Variants in DPP10 observed in about 807,000 individuals in gnomAD.
The protein encoded by DPP10 is inactive dipeptidyl peptidase 10.
In DPP10, 33 loss-of-function variants were observed where a neutral mutation model predicts 120.9. The observed-to-expected ratio is 0.27, with a 90% CI of 0.21 to 0.37. DPP10 has a LOEUF of 0.37. Among genes scored for constraint, DPP10 ranks in the 10% least tolerant of loss-of-function variants. The pLI is 1.00. For missense variants in DPP10, 816 were observed against 942.8 expected, an observed-to-expected ratio of 0.87 and a Z score of 1.76; for synonymous variants, 337 against 326.1, an observed-to-expected ratio of 1.03 and a Z score of -0.36.
chr2:115,552,292 G>A (rs1038477225), intron 5 of DPP10, among the ~76,000 whole-genome samples: 3 of 152,044 alleles, frequency 2.0e-5, no homozygotes, highest in Admixed American at 1.3e-4. Flanking sequence ...AGTTTTCTTA[G>A]CATAGAATCT....
At chr2:115,318,799 T>C (rs1364653981) in intron 2 of DPP10, among the ~76,000 whole-genome samples, 4 of 152,130 alleles carry the variant, frequency 2.6e-5, no homozygotes, top group Non-Finnish European at 5.9e-5. Context: ...CTATTAGCTT[T>C]AGTAGCTTAT....
At chr2:114,560,494 C>T (rs768519493) in intron 1 of DPP10, among the ~76,000 whole-genome samples, 1 of 152,156 alleles carries the variant, frequency 6.6e-6, no homozygotes, top group Non-Finnish European at 1.5e-5. Context: ...GGACCAGTGT[C>T]AGGTAGTCAG....
chr2:114,881,457 G>GTCTGTCTATCTATCTATCTATCTA lies in DPP10; in HGVS notation c.61-427779_61-427778insGTCTATCTATCTATCTATCTATCT, dbSNP rs140898800. On this transcript the variant is annotated intron_variant, in intron 1 of 25. Coordinates refer to ENST00000410059, the MANE Select transcript of DPP10 (RefSeq NM_020868.6). ...TCTTTACCTATCTGTCTGTCTGTCT[G>GTCTGTCTATCTATCTATCTATCTA]TCTATCTATCTATCTATCTATCTAT... Among the ~76,000 whole-genome samples the GTCTGTCTATCTATCTATCTATCTA allele has an allele frequency of 1.5e-4, 22 of 144,336 alleles. No homozygotes were observed. In the South Asian group the frequency reaches 2.9e-3, roughly 19 times the overall value. The allele number at this position is 144,336 out of a possible 152,430, so 94.7% of individuals were successfully genotyped here. A position where few individuals can be genotyped will look rare whatever the true frequency, so the allele number is the denominator to read the frequency against.
intron 1 of DPP10, among the ~76,000 whole-genome samples, chr2:114,998,424 T>C (rs1395161960): frequency 1.3e-5 from 2 of 152,196 alleles, no homozygotes; most frequent in African/African-American, 4.8e-5. Flanking sequence ...TATTAGGCAG[T>C]ATGCATTTAG....
chr2:115,652,986 A>C (rs2087938813), intron 5 of DPP10, among the ~76,000 whole-genome samples: 1 of 152,038 alleles, frequency 6.6e-6, no homozygotes, highest in Non-Finnish European at 1.5e-5. Flanking sequence ...ATTGTTTACA[A>C]ATGAATTCTC....
chr2:114,997,928 T>C (rs1255480200), intron 1 of DPP10, among the ~76,000 whole-genome samples: 3 of 152,232 alleles, frequency 2.0e-5, no homozygotes, highest in Non-Finnish European at 2.9e-5. Context: ...ATACACTTAA[T>C]ACACATAGTT....
At chr2:115,771,490 G>A (rs536693388) in intron 13 of DPP10, among the ~76,000 whole-genome samples, 24 of 152,128 alleles carry the variant, frequency 1.6e-4, no homozygotes, top group Non-Finnish European at 2.8e-4. Flanking sequence ...AATTCTTCCC[G>A]CAAAATTATA....
intron 1 of DPP10, among the ~76,000 whole-genome samples, chr2:115,140,065 A>C (rs2050844858): frequency 6.6e-6 from 1 of 152,238 alleles, no homozygotes; most frequent in Non-Finnish European, 1.5e-5. Flanking sequence ...GGTATATATT[A>C]CAAGAAGAGA....
At chr2:114,685,716 A>G (rs779509447) in intron 1 of DPP10, among the ~76,000 whole-genome samples, 23 of 151,684 alleles carry the variant, frequency 1.5e-4, no homozygotes, top group Non-Finnish European at 2.5e-4. Context: ...TTCCTAATAC[A>G]TTTTCTACCC....
At chr2:114,573,767 A>C (rs1317752348) in intron 1 of DPP10, among the ~76,000 whole-genome samples, 1 of 152,162 alleles carries the variant, frequency 6.6e-6, no homozygotes, top group Non-Finnish European at 1.5e-5. Flanking sequence ...ATTCTTGACT[A>C]ACTGATTGAT....
At chr2:115,759,236 A>C (rs1285626193) in intron 11 of DPP10, among the ~76,000 whole-genome samples, 2 of 152,086 alleles carry the variant, frequency 1.3e-5, no homozygotes, top group East Asian at 3.9e-4. Context: ...ACAGTTACTT[A>C]TAAGGAAAAG....
chr2:114,575,898 CCAGACAATAAA>C (rs1474081535), intron 1 of DPP10, among the ~76,000 whole-genome samples: 2 of 152,034 alleles, frequency 1.3e-5, no homozygotes, highest in Admixed American at 1.3e-4. Context: ...TATTCTGCCT[CCAGACAATAAA>C]CTTAAAGGTG....
rs148521535 is a variant in DPP10, at chr2:115,390,191, T to C, written c.271+46279T>C. On this transcript the variant is annotated intron_variant, in intron 3 of 25. Coordinates refer to ENST00000410059, the MANE Select transcript of DPP10 (RefSeq NM_020868.6). ...GAAGAAACAGCACTTGAGTTGGAAA[T>C]AGGAAAAAGGCAACTCTTCACAGTT... Among the ~76,000 whole-genome samples, 176 of 152,268 alleles carry C rather than the reference T, an allele frequency of 1.2e-3. 1 individual carries two copies. In the Middle Eastern group the frequency reaches 0.017, roughly 15 times the overall value.
At chr2:114,574,581 C>A (rs114918902) in intron 1 of DPP10, among the ~76,000 whole-genome samples, 1,734 of 152,266 alleles carry the variant, frequency 0.011, 36 homozygotes, top group African/African-American at 0.039. Context: ...TATTCCAGAT[C>A]TTTGTCCCCC....
At chr2:114,533,077 T>A (rs1203421273) in intron 1 of DPP10, among the ~76,000 whole-genome samples, 1 of 152,174 alleles carries the variant, frequency 6.6e-6, no homozygotes, top group Non-Finnish European at 1.5e-5. Flanking sequence ...CTATTGAGAA[T>A]CATGCTTACC....
At chr2:114,469,817 T>G (rs534872885) in intron 1 of DPP10, among the ~76,000 whole-genome samples, 1 of 152,302 alleles carries the variant, frequency 6.6e-6, no homozygotes, top group South Asian at 2.1e-4. Context: ...TCCCAGACAC[T>G]TCCACAGTGA....
chr2:114,606,134 G>A (rs961470124), intron 1 of DPP10, among the ~76,000 whole-genome samples: 3 of 152,062 alleles, frequency 2.0e-5, no homozygotes, highest in African/African-American at 7.2e-5. Flanking sequence ...TTAATGTTGT[G>A]TCTTAATATA....
intron 3 of DPP10, among the ~76,000 whole-genome samples, chr2:115,397,083 G>T (rs1349512196): frequency 1.3e-5 from 2 of 152,184 alleles, no homozygotes; most frequent in Non-Finnish European, 1.5e-5. Context: ...GATAGTTTAA[G>T]ATGAAGTCAC....
intron 3 of DPP10, among the ~76,000 whole-genome samples, chr2:115,476,329 T>G (rs2075076773): frequency 6.6e-6 from 1 of 152,170 alleles, no homozygotes; most frequent in Non-Finnish European, 1.5e-5. Context: ...AAGACATGCC[T>G]GCTCCCCCTT....
Sources: allele counts gnomAD v4.1 joint callset (sites outside exome capture counted in the v4.1 genomes callset), GRCh38; gene constraint gnomAD v4.1.1; transcripts MANE v1.5; gene names NCBI Gene and HGNC (gene_info 2026-07-23, HGNC 2026-07-21).